Variants in NKAIN3 observed in about 807,000 individuals in gnomAD.
The protein encoded by NKAIN3 is sodium/potassium transporting ATPase interacting 3.
Under a neutral mutation model 30.2 loss-of-function variants are expected in NKAIN3, and 25 were observed. The ratio of observed to expected loss-of-function variants is 0.83; its 90% CI spans 0.60 to 1.16. The LOEUF (loss-of-function observed/expected upper bound fraction) is 1.16. Among genes scored for constraint, NKAIN3 ranks in the 50% most tolerant of loss-of-function variants. The pLI, the probability that NKAIN3 is intolerant of heterozygous loss-of-function variation, is 0.00. For missense variants in NKAIN3, 225 were observed against 254.1 expected (o/e 0.89, Z 0.78); for synonymous variants, 91 against 89.6 (o/e 1.02, Z -0.09).
intron 5 of NKAIN3, among the ~76,000 whole-genome samples, chr8:62,934,039 G>A (rs966063948): frequency 5.3e-5 from 8 of 152,190 alleles, no homozygotes; most frequent in African/African-American, 1.9e-4. Context: ...CAATTTGTGT[G>A]TCTTTAAAAA....
At chr8:62,911,523 A>G (rs1821925744) in intron 4 of NKAIN3, among the ~76,000 whole-genome samples, 1 of 152,138 alleles carries the variant, frequency 6.6e-6, no homozygotes, top group African/African-American at 2.4e-5. Flanking sequence ...TGATTCCTCC[A>G]TTCTGTTACT....
At chr8:62,696,734 A>G (rs1324231442) in intron 3 of NKAIN3, among the ~76,000 whole-genome samples, 1 of 152,164 alleles carries the variant, frequency 6.6e-6, no homozygotes. Flanking sequence ...TGAGGAAGAT[A>G]TTTCTGAGAG....
chr8:62,865,793 C>CGTGTTT (rs1312716419), intron 4 of NKAIN3, among the ~76,000 whole-genome samples: 2 of 152,132 alleles, frequency 1.3e-5, no homozygotes, highest in African/African-American at 4.8e-5. Flanking sequence ...TGTATGTAAA[C>CGTGTTT]ACACACTGTA....
rs188746443 is a variant in NKAIN3 at position 62,980,992 on chromosome 8, C to G, written c.*15585C>G. 1.8e-3 allele frequency: 267 copies of G among 152,276 alleles called. 3 individuals are homozygous for G. Among genetic ancestry groups the G allele is most frequent in the African/African-American group, 5.9e-3 (244 of 41,546 alleles). 9.4% of individuals were successfully genotyped at this position (152,276 alleles called of 1,614,324 possible). On this transcript the variant is annotated 3_prime_UTR_variant, in exon 7 of 7. Transcript: ENST00000623646. ...CCCTCTGTAAATTTCTCTTTGTGTT[C>G]CTAGGCCCACAAAGTCTTTGGTCTG... is the stretch of plus-strand genomic sequence containing the variant.
At chr8:62,861,152 A>G (rs977017743) in intron 4 of NKAIN3, among the ~76,000 whole-genome samples, 1 of 152,214 alleles carries the variant, frequency 6.6e-6, no homozygotes, top group African/African-American at 2.4e-5. Flanking sequence ...CTCAAGGCAC[A>G]CATGACAGAA....
At chr8:62,870,232 A>C (rs538116849) in intron 4 of NKAIN3, among the ~76,000 whole-genome samples, 19 of 141,376 alleles carry the variant, frequency 1.3e-4, no homozygotes, top group African/African-American at 3.3e-4. Context: ...ATATCTATAT[A>C]TAGATATCTA....
intron 1 of NKAIN3, among the ~76,000 whole-genome samples, chr8:62,369,472 C>T (rs985751663): frequency 2.0e-5 from 3 of 152,040 alleles, no homozygotes; most frequent in African/African-American, 7.2e-5. Flanking sequence ...TTGCATGTTT[C>T]TGAACATTTC....
chr8:62,532,042 C>T (rs573752573), intron 1 of NKAIN3, among the ~76,000 whole-genome samples: 4 of 152,248 alleles, frequency 2.6e-5, no homozygotes, highest in African/African-American at 9.6e-5. Context: ...TTGGAAGCAC[C>T]CAACAGATGC....
At chr8:62,841,906 C>T (rs1819539347) in intron 4 of NKAIN3, among the ~76,000 whole-genome samples, 1 of 152,086 alleles carries the variant, frequency 6.6e-6, no homozygotes, top group South Asian at 2.1e-4. Flanking sequence ...AATGGCTGAA[C>T]CATTTACATT....
intron 3 of NKAIN3, among the ~76,000 whole-genome samples, chr8:62,667,374 T>C (rs1194472158): frequency 1.4e-5 from 2 of 140,310 alleles, no homozygotes; most frequent in Non-Finnish European, 3.0e-5. Context: ...TATATATATA[T>C]AAATATATAT....
At chr8:62,757,113 G>A (rs749681711) in intron 4 of NKAIN3, among the ~76,000 whole-genome samples, 8 of 152,122 alleles carry the variant, frequency 5.3e-5, no homozygotes, top group South Asian at 2.1e-4. Context: ...ATAATTAATC[G>A]AGCCAACATG....
chr8:62,278,206 T>A (rs1229275648), intron 1 of NKAIN3, among the ~76,000 whole-genome samples: 1 of 152,122 alleles, frequency 6.6e-6, no homozygotes, highest in Non-Finnish European at 1.5e-5. Flanking sequence ...TCATGTAGAC[T>A]GAAGAGGCCT....
intron 1 of NKAIN3, among the ~76,000 whole-genome samples, chr8:62,439,931 T>C (rs1213334839): frequency 6.6e-6 from 1 of 152,206 alleles, no homozygotes; most frequent in East Asian, 1.9e-4. Flanking sequence ...AGATTTACTT[T>C]AATCGGTTAG....
At chr8:62,962,424 T>G (rs1359637673) in intron 6 of NKAIN3, among the ~76,000 whole-genome samples, 1 of 152,198 alleles carries the variant, frequency 6.6e-6, no homozygotes, top group Non-Finnish European at 1.5e-5. Flanking sequence ...GGCTGAGTAT[T>G]AAATGATATT....
chr8:62,554,473 G>A (rs1239113051), intron 1 of NKAIN3, among the ~76,000 whole-genome samples: 1 of 152,060 alleles, frequency 6.6e-6, no homozygotes, highest in African/African-American at 2.4e-5. Context: ...AAATCAAATT[G>A]TCTGCCTCCA....
chr8:62,781,939 C>T (rs1217660022), intron 4 of NKAIN3, among the ~76,000 whole-genome samples: 1 of 151,794 alleles, frequency 6.6e-6, no homozygotes, highest in Non-Finnish European at 1.5e-5. Context: ...CCAAAATAAA[C>T]AAATGGGATA....
intron 1 of NKAIN3, among the ~76,000 whole-genome samples, chr8:62,533,124 C>T (rs1020759756): frequency 6.6e-6 from 1 of 152,000 alleles, no homozygotes; most frequent in African/African-American, 2.4e-5. Context: ...ATGATATATG[C>T]TTATGTGATA....
chr8:62,435,268 C>T (rs1239583717), intron 1 of NKAIN3, among the ~76,000 whole-genome samples: 2 of 152,064 alleles, frequency 1.3e-5, no homozygotes, highest in African/African-American at 2.4e-5. Flanking sequence ...GCACTTCCTC[C>T]TGGGGGCCTA....
intron 3 of NKAIN3, among the ~76,000 whole-genome samples, chr8:62,705,654 A>T (rs1222336131): frequency 6.6e-6 from 1 of 151,618 alleles, no homozygotes; most frequent in Non-Finnish European, 1.5e-5. Context: ...CTATTTGTTA[A>T]TTTTTTTACT....
Sources: allele counts gnomAD v4.1 joint callset (sites outside exome capture counted in the v4.1 genomes callset), GRCh38; gene constraint gnomAD v4.1.1; transcripts MANE v1.5; gene names NCBI Gene and HGNC (gene_info 2026-07-23, HGNC 2026-07-21).